The following C1QTNF7 variants were observed in gnomAD, a reference collection of about 807,000 sequenced individuals.
C1QTNF7 encodes complement C1q tumor necrosis factor-related protein 7.
A neutral mutation model predicts 19.6 loss-of-function variants in C1QTNF7; 15 were observed. The observed-to-expected ratio is 0.76, with a 90% CI of 0.51 to 1.18. The LOEUF (loss-of-function observed/expected upper bound fraction) is 1.18. Ranked by LOEUF, C1QTNF7 falls within the 50% of genes most tolerant of loss-of-function variation. The pLI is 0.00. For synonymous variants in C1QTNF7, 142 were observed against 137.5 expected (o/e 1.03, Z -0.23); for missense variants, 324 against 359.7 (o/e 0.90, Z 0.80).
intron 1 of C1QTNF7, among the ~76,000 whole-genome samples, chr4:15,356,176 G>A (rs1024888377): frequency 4.6e-5 from 7 of 151,836 alleles, no homozygotes; most frequent in African/African-American, 1.2e-4. Flanking sequence ...AGGTATACAC[G>A]TGCCATGGTG....
chr4:15,357,790 G>A (rs2109295771), intron 1 of C1QTNF7, among the ~76,000 whole-genome samples: 1 of 152,192 alleles, frequency 6.6e-6, no homozygotes, highest in East Asian at 1.9e-4. Flanking sequence ...TCCTTGAAGA[G>A]GTACTTCACA....
chr4:15,347,350 C>T (rs931285664), intron 1 of C1QTNF7, among the ~76,000 whole-genome samples: 8 of 152,216 alleles, frequency 5.3e-5, no homozygotes, highest in Non-Finnish European at 7.3e-5. Context: ...CTCATCTTTG[C>T]TCTGCTTTTA....
rs1712869273 is a variant in C1QTNF7, at chr4:15,443,467, T to C, written c.*668T>C. ...TGTGATGAGCAGCATAGCAAACAGA[T>C]GGATTTGAAGCTAAAAGCACACAGG... On this transcript the variant is annotated 3_prime_UTR_variant, in exon 3 of 3. Coordinates refer to ENST00000444304, the MANE Select transcript of C1QTNF7 (RefSeq NM_031911.5). 6.6e-6 allele frequency: 1 copy of C among 152,144 alleles called. No individual in the cohort carries two copies. The highest frequency in any genetic ancestry group is 1.5e-5 in the Non-Finnish European group (1 of 68,030). The allele number at this position is 152,144 out of a possible 1,614,324, so 9.4% of individuals were successfully genotyped here. A position where few individuals can be genotyped will look rare whatever the true frequency, so the allele number is the denominator to read the frequency against.
At chr4:15,384,490 C>G (rs1718259044) in intron 1 of C1QTNF7, among the ~76,000 whole-genome samples, 1 of 152,056 alleles carries the variant, frequency 6.6e-6, no homozygotes, top group African/African-American at 2.4e-5. Context: ...CAGGTATATA[C>G]TATTTGAGAA....
At chr4:15,425,284 G>T (rs1251366550), upstream of C1QTNF7, among the ~76,000 whole-genome samples, 1 of 152,168 alleles carries the variant, frequency 6.6e-6, no homozygotes, top group Admixed American at 6.5e-5. Context: ...TTAAGAGCCA[G>T]TGAGCTAAAG....
At chr4:15,381,742 T>G (rs1371965001) in intron 1 of C1QTNF7, 1 of 152,224 alleles carries the variant, frequency 6.6e-6, no homozygotes, top group Non-Finnish European at 1.5e-5. Context: ...TCTTCTCCCT[T>G]GCTTTGCACC....
rs929029953 is a variant in C1QTNF7 at position 15,443,192 on chromosome 4, C to T, written c.*393C>T. 4.4e-5 allele frequency: 7 copies of T among 157,796 alleles called. No individual in the cohort carries two copies. The highest frequency in any genetic ancestry group is 1.9e-4 in the East Asian group (1 of 5,350). The allele number at this position is 157,796 out of a possible 1,614,324, so 9.8% of individuals were successfully genotyped here. ...ACATCCCAAAATCTTTGACAATTCT[C>T]GAAAGGCTATATAGTAAGTCAAAAA... On this transcript the variant is annotated 3_prime_UTR_variant, in exon 3 of 3. Transcript: ENST00000444304.
At chr4:15,431,970 G>A (rs954883743) in intron 1 of C1QTNF7, among the ~76,000 whole-genome samples, 3 of 152,224 alleles carry the variant, frequency 2.0e-5, no homozygotes, top group African/African-American at 7.2e-5. Context: ...CGGTGATAAG[G>A]GTTGAACTTA....
chr4:15,422,846 C>T (rs994916517), intron 1 of C1QTNF7, among the ~76,000 whole-genome samples: 2 of 152,084 alleles, frequency 1.3e-5, no homozygotes, highest in Non-Finnish European at 2.9e-5. Flanking sequence ...TGGTCTCAAG[C>T]GATCTTCCCA....
intron 1 of C1QTNF7, among the ~76,000 whole-genome samples, chr4:15,350,248 AG>A: frequency 7.6e-6 from 1 of 131,820 alleles, no homozygotes; most frequent in Non-Finnish European, 1.6e-5. Flanking sequence ...GGAGGGAGGG[AG>A]GGAAGGAGAG....
Position 15,429,503 on chromosome 4 carries a change from C to T in C1QTNF7, c.-9+1397C>T, listed in dbSNP as rs570537904. Among the ~76,000 whole-genome samples, 7 of 152,324 alleles carry T rather than the reference C, an allele frequency of 4.6e-5. No homozygotes were observed. The South Asian group carries it at 1.5e-3, about 32-fold the overall frequency. ...TCACACAATATTTGTCCTTTTGTGA[C>T]TGGCTTATTTCACATAATATACTGT... On this transcript the variant is annotated intron_variant, in intron 1 of 2. Transcript: ENST00000444304.
intron 1 of C1QTNF7, among the ~76,000 whole-genome samples, chr4:15,379,502 AGTGAT>A (rs1254853631): frequency 6.6e-6 from 1 of 152,250 alleles, no homozygotes; most frequent in Non-Finnish European, 1.5e-5. Flanking sequence ...AATGAAGCTT[AGTGAT>A]GTTAAATAAC....
intron 1 of C1QTNF7, among the ~76,000 whole-genome samples, chr4:15,389,434 T>C (rs1194518364): frequency 2.6e-5 from 4 of 152,120 alleles, no homozygotes; most frequent in Non-Finnish European, 5.9e-5. Context: ...CTTTTTATTT[T>C]TTTAGATGGA....
chr4:15,414,166 T>A (rs1178426397), intron 1 of C1QTNF7, among the ~76,000 whole-genome samples: 1 of 152,186 alleles, frequency 6.6e-6, no homozygotes, highest in Admixed American at 6.5e-5. Flanking sequence ...TCAAACTTAA[T>A]GATTGGAAGC....
At chr4:15,343,983 C>A (rs1216106998) in intron 1 of C1QTNF7, among the ~76,000 whole-genome samples, 2 of 152,218 alleles carry the variant, frequency 1.3e-5, no homozygotes, top group Non-Finnish European at 1.5e-5. Context: ...TTCTCTGTAT[C>A]CCTTACCCAG....
chr4:15,419,315 A>G (rs914376045), intron 1 of C1QTNF7, among the ~76,000 whole-genome samples: 6 of 152,250 alleles, frequency 3.9e-5, no homozygotes, highest in African/African-American at 1.4e-4. Flanking sequence ...CATTTATACT[A>G]GGAAAAAATA....
chr4:15,415,301 G>A (rs1043480343), intron 1 of C1QTNF7, among the ~76,000 whole-genome samples: 2 of 152,086 alleles, frequency 1.3e-5, no homozygotes, highest in African/African-American at 2.4e-5. Flanking sequence ...GGAGGAGGAA[G>A]AGAAAATACA....
chr4:15,365,721 TTCTG>T (rs912283814), intron 1 of C1QTNF7, among the ~76,000 whole-genome samples: 16 of 152,216 alleles, frequency 1.1e-4, no homozygotes, highest in African/African-American at 3.9e-4. Context: ...TCTGACTTCC[TTCTG>T]TATCTGTTGA....
intron 1 of C1QTNF7, among the ~76,000 whole-genome samples, chr4:15,363,897 C>T (rs746706725): frequency 5.9e-5 from 9 of 152,300 alleles, no homozygotes; most frequent in Admixed American, 2.0e-4. Flanking sequence ...CTGAGCATTG[C>T]TATGTGAGTT....
Sources: gnomAD v4.1 joint callset for allele counts (sites outside exome capture counted in the v4.1 genomes callset) on GRCh38, gnomAD v4.1.1 for gene constraint, MANE v1.5 for transcripts, NCBI Gene and HGNC (gene_info 2026-07-23, HGNC 2026-07-21) for gene names.